Variants in SHANK2 observed in about 807,000 individuals in gnomAD.
The protein encoded by SHANK2 is SH3 and multiple ankyrin repeat domains 2.
SHANK2 carries 43 observed loss-of-function variants against 133.7 expected under a neutral mutation model. The observed-to-expected ratio is 0.32, with a 90% confidence interval of 0.25 to 0.41. SHANK2 has a LOEUF of 0.41. SHANK2 is among the 10% of genes least tolerant of loss of function. SHANK2 has a pLI of 1.00. For missense variants in SHANK2, 1,994 were observed against 2,235.8 expected, an observed-to-expected ratio of 0.89 and a Z score of 2.18; for synonymous variants, 1,017 against 952.8, an observed-to-expected ratio of 1.07 and a Z score of -1.24.
intron 15 of SHANK2, among the ~76,000 whole-genome samples, chr11:70,670,844 G>A (rs571494022): frequency 3.9e-5 from 6 of 152,234 alleles, no homozygotes; most frequent in African/African-American, 1.4e-4. Context: ...ACTCCTCCTG[G>A]CTCCCAGGAG....
intron 11 of SHANK2, among the ~76,000 whole-genome samples, chr11:70,892,779 A>G (rs1555074953): frequency 5.3e-5 from 8 of 152,076 alleles, no homozygotes; most frequent in African/African-American, 1.9e-4. Context: ...GGGTCTTGGT[A>G]CCCAGAGGGA....
intron 17 of SHANK2, among the ~76,000 whole-genome samples, chr11:70,505,836 G>T: frequency 6.6e-6 from 1 of 151,966 alleles, no homozygotes; most frequent in East Asian, 1.9e-4. Context: ...TGTGGCCTCT[G>T]ACTGCAGCCT....
intron 17 of SHANK2, among the ~76,000 whole-genome samples, chr11:70,506,803 G>A (rs1422263915): frequency 1.3e-5 from 2 of 152,146 alleles, no homozygotes; most frequent in Non-Finnish European, 2.9e-5. Flanking sequence ...CTGGGTGCCC[G>A]TGGGCAGGAC....
rs1230545627 is a variant in SHANK2, at chr11:70,496,773, C to T, written c.2308+3797G>A. Among the ~76,000 whole-genome samples, 6 of 150,412 alleles carry T rather than the reference C, an allele frequency of 4.0e-5. No homozygotes were observed. The South Asian group carries it at 8.3e-4, about 21-fold the overall frequency. ...TGTGATGGGCTGCCCAGCCCTGGGCCCTGGTGGGCAACGGCTGCAGAAAGT... is the reference window on the plus strand; with the variant it reads ...TGTGATGGGCTGCCCAGCCCTGGGCTCTGGTGGGCAACGGCTGCAGAAAGT... On this transcript the variant is annotated intron_variant, in intron 21 of 25. Transcript: ENST00000601538.
At chr11:70,664,189 G>A (rs1944636629) in intron 15 of SHANK2, among the ~76,000 whole-genome samples, 2 of 152,070 alleles carry the variant, frequency 1.3e-5, no homozygotes, top group Admixed American at 6.6e-5. Flanking sequence ...CTGTCTCCAC[G>A]GCCCCCCACA....
chr11:70,653,511 C>T (rs1440938522), intron 17 of SHANK2, among the ~76,000 whole-genome samples: 2 of 147,072 alleles, frequency 1.4e-5, no homozygotes, highest in African/African-American at 2.5e-5. Flanking sequence ...GGTGCGATCT[C>T]GGCTCACTGC....
intron 14 of SHANK2, among the ~76,000 whole-genome samples, chr11:70,767,510 G>C (rs1947147214): frequency 6.6e-6 from 1 of 152,148 alleles, no homozygotes; most frequent in Admixed American, 6.5e-5. Context: ...ACAAAAGGAA[G>C]CACTACTCAG....
chr11:70,607,335 C>A (rs1164430834), intron 17 of SHANK2, among the ~76,000 whole-genome samples: 1 of 152,154 alleles, frequency 6.6e-6, no homozygotes, highest in African/African-American at 2.4e-5. Flanking sequence ...CTGGCAGATT[C>A]TAAGAACCTG....
intron 1 of SHANK2, among the ~76,000 whole-genome samples, chr11:71,240,504 C>A (rs1954875281): frequency 6.6e-6 from 1 of 152,150 alleles, no homozygotes; most frequent in Non-Finnish European, 1.5e-5. Flanking sequence ...GGGGACACTG[C>A]AGGCCAGGGG....
At chr11:71,224,326 G>A (rs764247953) in intron 2 of SHANK2, among the ~76,000 whole-genome samples, 2 of 151,974 alleles carry the variant, frequency 1.3e-5, no homozygotes, top group African/African-American at 4.8e-5. Flanking sequence ...TTCCCTGCAC[G>A]TGGGCATCAC....
chr11:70,709,310 A>G (rs2134569389), intron 14 of SHANK2, among the ~76,000 whole-genome samples: 1 of 152,386 alleles, frequency 6.6e-6, no homozygotes, highest in Admixed American at 6.5e-5. Flanking sequence ...CACATCAGCT[A>G]AAGCCCTGAA....
chr11:70,628,478 C>T (rs2060934866), intron 17 of SHANK2, among the ~76,000 whole-genome samples: 1 of 152,202 alleles, frequency 6.6e-6, no homozygotes, highest in African/African-American at 2.4e-5. Context: ...TAAGCAGTGC[C>T]TTAATATATC....
At chr11:70,773,330 C>A (rs868915863) in intron 14 of SHANK2, among the ~76,000 whole-genome samples, 3 of 152,170 alleles carry the variant, frequency 2.0e-5, no homozygotes, top group African/African-American at 4.8e-5. Flanking sequence ...GGGAAACATG[C>A]GAACAACTGC....
intron 1 of SHANK2, among the ~76,000 whole-genome samples, chr11:71,245,729 C>T (rs906344041): frequency 2.0e-5 from 3 of 152,190 alleles, no homozygotes; most frequent in East Asian, 1.9e-4. Context: ...AGAACCAAGA[C>T]GAGGGGCAGT....
chr11:71,113,373 G>GAAAACAAA lies in SHANK2; in HGVS notation c.412-17_412-10dup. ...CGCTTCTTGTATCGAAACTGGCACA[G>GAAAACAAA]AAAACAAAAAAGAGAGAGAAAACAA... On this transcript the variant is annotated splice_polypyrimidine_tract_variant and intron_variant, in intron 4 of 25. Transcript: ENST00000601538. 1 of 1,550,860 alleles carries GAAAACAAA rather than the reference G, an allele frequency of 6.4e-7. No homozygotes were observed. The highest frequency in any genetic ancestry group is 8.7e-7 in the Non-Finnish European group (1 of 1,146,614).
chr11:70,831,126 G>A lies in SHANK2; in HGVS notation c.1175-10444C>T, dbSNP rs112710165. Among the ~76,000 whole-genome samples the A allele has an allele frequency of 5.6e-3, 860 of 152,282 alleles. 11 individuals carry two copies. Among genetic ancestry groups the A allele is most frequent in the African/African-American group, 0.02 (823 of 41,562 alleles). ...CTGGGGGCAGGCGGGTAGCAGAGAGGGTGGCAATGTGAGTGGTTGGTGATG... is the reference window on the plus strand; with the variant it reads ...CTGGGGGCAGGCGGGTAGCAGAGAGAGTGGCAATGTGAGTGGTTGGTGATG... On this transcript the variant is annotated intron_variant, in intron 11 of 25. Transcript: ENST00000601538.
chr11:70,803,810 T>TAA (rs553608014), intron 13 of SHANK2, among the ~76,000 whole-genome samples: 64 of 130,388 alleles, frequency 4.9e-4, no homozygotes, highest in Admixed American at 1.0e-3. Context: ...GCCCTTGAAT[T>TAA]AAAAAAAAAA....
intron 3 of SHANK2, among the ~76,000 whole-genome samples, chr11:71,135,595 T>A (rs1952423504): frequency 6.7e-6 from 1 of 150,110 alleles, no homozygotes. Flanking sequence ...CAAGCAATTC[T>A]CGTGCCTCAG....
At position 71,092,458 on chromosome 11, in the gene SHANK2, GCA is replaced by G. The variant is rs1300599981; in HGVS notation, c.874_875del (p.Cys292LeufsTer4). 6.4e-7 allele frequency: 1 copy of G among 1,551,420 alleles called. No individual in the cohort carries two copies. Among genetic ancestry groups the G allele is most frequent in the Non-Finnish European group, 8.7e-7 (1 of 1,146,978 alleles). On this transcript the variant is annotated frameshift_variant, in exon 8 of 26. Coordinates refer to ENST00000601538, the MANE Select transcript of SHANK2 (RefSeq NM_012309.5). LOFTEE classifies it high-confidence loss of function. The part of the protein sequence containing the change: ...ELLLHEHATV[C>X]CKDENGWHEI... ...CGTGCCAGCCGTTCTCATCTTTGCAGCACACAGTGGCGTGTTCGTGCAGGAGA... is the reference window on the plus strand; with the variant it reads ...CGTGCCAGCCGTTCTCATCTTTGCAGCACAGTGGCGTGTTCGTGCAGGAGA...
Sources: allele counts gnomAD v4.1 joint callset (sites outside exome capture counted in the v4.1 genomes callset), GRCh38; gene constraint gnomAD v4.1.1; transcripts MANE v1.5; gene names NCBI Gene and HGNC (gene_info 2026-07-23, HGNC 2026-07-21).